Variants in KCNIP4 observed in about 807,000 individuals in gnomAD.
KCNIP4 encodes the protein Kv channel-interacting protein 4.
In KCNIP4, 12 loss-of-function variants were observed where a neutral mutation model predicts 34.0. That is an observed-to-expected ratio of 0.35 (90% CI 0.23 to 0.57). The LOEUF (loss-of-function observed/expected upper bound fraction) is 0.57. Among genes scored for constraint, KCNIP4 ranks in the 20% least tolerant of loss-of-function variants. The pLI, the probability that KCNIP4 is intolerant of heterozygous loss-of-function variation, is 0.83. For synonymous variants in KCNIP4, 124 were observed against 102.2 expected, an observed-to-expected ratio of 1.21 and a Z score of -1.29; for missense variants, 238 against 311.7, an observed-to-expected ratio of 0.76 and a Z score of 1.78.
chr4:21,294,089 A>G (rs1763699813), intron 1 of KCNIP4, among the ~76,000 whole-genome samples: 1 of 152,212 alleles, frequency 6.6e-6, no homozygotes, highest in Admixed American at 6.5e-5. Context: ...AAAACTGTTA[A>G]TATGAATGAT....
chr4:20,850,381 A>G, intron 3 of KCNIP4, 162 bp downstream of exon 3: 1 of 726,036 alleles, frequency 1.4e-6, no homozygotes, highest in Non-Finnish European at 2.2e-6. Context: ...ACAGAGAATC[A>G]AAGTCCACAG....
intron 1 of KCNIP4, among the ~76,000 whole-genome samples, chr4:21,079,039 G>A (rs913333383): frequency 2.2e-4 from 33 of 152,130 alleles, no homozygotes; most frequent in African/African-American, 7.7e-4. Flanking sequence ...GTTCATATTA[G>A]CCACTGCACT....
chr4:20,845,064 A>T (rs1720198599), intron 3 of KCNIP4, among the ~76,000 whole-genome samples: 2 of 152,126 alleles, frequency 1.3e-5, no homozygotes, highest in South Asian at 4.1e-4. Context: ...CTCCACTGTG[A>T]TGGATACAAC....
chr4:21,070,663 A>ATTT lies in KCNIP4; in HGVS notation c.62-187957_62-187955dup, dbSNP rs1203011253. 1.1e-3 allele frequency among the ~76,000 whole-genome samples: 55 copies of ATTT among 49,618 alleles called. 14 individuals are homozygous for ATTT. Among genetic ancestry groups the ATTT allele is most frequent in the Non-Finnish European group, 1.6e-3 (44 of 26,798 alleles). The allele number at this position is 49,618 out of a possible 152,430, so 32.6% of individuals were successfully genotyped here. ...TCTGTTTTTACTGTTGAGTTTTGAGATTTTTTTTTTTTTTTTTTTTTTTTT... is the reference window on the plus strand; with the variant it reads ...TCTGTTTTTACTGTTGAGTTTTGAGATTTTTTTTTTTTTTTTTTTTTTTTTTTT... On this transcript the variant is annotated intron_variant, in intron 1 of 8. Transcript: ENST00000382152.
At chr4:21,288,223 G>T (rs975697399) in intron 1 of KCNIP4, among the ~76,000 whole-genome samples, 1 of 152,096 alleles carries the variant, frequency 6.6e-6, no homozygotes, top group Admixed American at 6.6e-5. Flanking sequence ...CTCATCACTG[G>T]ATCACAGCAC....
chr4:20,880,994 G>C (rs1472481132), intron 2 of KCNIP4, among the ~76,000 whole-genome samples: 1 of 152,170 alleles, frequency 6.6e-6, no homozygotes, highest in Non-Finnish European at 1.5e-5. Context: ...AAGTTATTTA[G>C]TTCTGCCTCC....
intron 1 of KCNIP4, among the ~76,000 whole-genome samples, chr4:21,123,070 C>T (rs530334346): frequency 7.2e-5 from 11 of 152,132 alleles, no homozygotes; most frequent in South Asian, 4.1e-4. Context: ...AAAAATTAAC[C>T]GGACTTGGTG....
At chr4:21,939,949 C>T (rs932152272) in intron 1 of KCNIP4, among the ~76,000 whole-genome samples, 4 of 152,106 alleles carry the variant, frequency 2.6e-5, no homozygotes, top group Non-Finnish European at 4.4e-5. Flanking sequence ...AAAATTCCTA[C>T]ACCAATTTGA....
At chr4:21,788,558 C>CCT (rs140830530) in intron 1 of KCNIP4, among the ~76,000 whole-genome samples, 17,272 of 152,114 alleles carry the variant, frequency 0.11, 2,924 homozygotes, top group African/African-American at 0.37. Flanking sequence ...AGGCAGGTCA[C>CCT]CAGGCATCTC....
intron 1 of KCNIP4, among the ~76,000 whole-genome samples, chr4:20,921,561 G>A (rs1194074591): frequency 6.6e-6 from 1 of 152,166 alleles, no homozygotes; most frequent in Non-Finnish European, 1.5e-5. Context: ...GTGAAATAAA[G>A]CTATAGGTAG....
intron 1 of KCNIP4, among the ~76,000 whole-genome samples, chr4:21,645,705 T>A (rs975474304): frequency 1.3e-5 from 2 of 152,036 alleles, no homozygotes; most frequent in African/African-American, 4.8e-5. Context: ...AAACCTATAC[T>A]CCACAATTTC....
chr4:21,404,012 G>A (rs114967213), intron 1 of KCNIP4, among the ~76,000 whole-genome samples: 71 of 152,238 alleles, frequency 4.7e-4, no homozygotes, highest in African/African-American at 1.5e-3. Context: ...AAGACACACA[G>A]GCATTCAAAC....
chr4:21,474,211 T>C (rs1490564520), intron 1 of KCNIP4, among the ~76,000 whole-genome samples: 1 of 152,154 alleles, frequency 6.6e-6, no homozygotes, highest in Non-Finnish European at 1.5e-5. Context: ...TTAGCTGAAT[T>C]TCTACTTAAG....
intron 1 of KCNIP4, among the ~76,000 whole-genome samples, chr4:20,887,196 G>A (rs1283129600): frequency 2.0e-5 from 3 of 151,676 alleles, no homozygotes; most frequent in Non-Finnish European, 2.9e-5. Context: ...GAGATGAAAA[G>A]GAAGAAATCT....
chr4:21,015,433 T>C (rs977317954), intron 1 of KCNIP4, among the ~76,000 whole-genome samples: 1 of 142,682 alleles, frequency 7.0e-6, no homozygotes, highest in African/African-American at 2.6e-5. Flanking sequence ...ATCATGGTTA[T>C]ATATAATATA....
At chr4:21,575,045 A>G (rs2109059422) in intron 1 of KCNIP4, among the ~76,000 whole-genome samples, 1 of 152,316 alleles carries the variant, frequency 6.6e-6, no homozygotes. Flanking sequence ...AAGTTTGTCA[A>G]CATATTTTCT....
chr4:21,717,163 G>C (rs751271731), intron 1 of KCNIP4, among the ~76,000 whole-genome samples: 1 of 152,108 alleles, frequency 6.6e-6, no homozygotes, highest in Non-Finnish European at 1.5e-5. Flanking sequence ...ATGATTAGCA[G>C]CATCCTTGGC....
At chr4:21,395,317 C>A (rs1722894182) in intron 1 of KCNIP4, among the ~76,000 whole-genome samples, 1 of 152,126 alleles carries the variant, frequency 6.6e-6, no homozygotes. Context: ...GCCACTCCTA[C>A]CTCCATACAC....
intron 3 of KCNIP4, among the ~76,000 whole-genome samples, chr4:20,788,881 G>A (rs1455717667): frequency 6.6e-6 from 1 of 152,170 alleles, no homozygotes; most frequent in Admixed American, 6.5e-5. Flanking sequence ...TGAGGAGGAA[G>A]GAGGAGTTGA....
Sources: allele counts gnomAD v4.1 joint callset (sites outside exome capture counted in the v4.1 genomes callset), GRCh38; gene constraint gnomAD v4.1.1; transcripts MANE v1.5; gene names NCBI Gene and HGNC (gene_info 2026-07-23, HGNC 2026-07-21).